The following RORB variants were observed in gnomAD, a reference collection of about 807,000 sequenced individuals.
The protein encoded by RORB is RAR related orphan receptor B.
RORB carries 6 observed loss-of-function variants against 59.1 expected under a neutral mutation model. The ratio of observed to expected loss-of-function variants is 0.10; its 90% CI spans 0.06 to 0.20. RORB has a LOEUF of 0.20. RORB is among the 10% of genes least tolerant of loss of function. RORB has a pLI of 1.00. For synonymous variants in RORB, 215 were observed against 204.5 expected (o/e 1.05, Z -0.44); for missense variants, 320 against 560.5 (o/e 0.57, Z 4.33).
At chr9:74,588,629 A>T (rs1822842196) in intron 1 of RORB, among the ~76,000 whole-genome samples, 2 of 152,190 alleles carry the variant, frequency 1.3e-5, no homozygotes, top group Admixed American at 1.3e-4. Context: ...CTCTTAATTC[A>T]TCATCCGGTT....
chr9:74,617,687 G>A (rs1823335751), intron 1 of RORB, among the ~76,000 whole-genome samples: 1 of 152,106 alleles, frequency 6.6e-6, no homozygotes. Context: ...ACTGACACCG[G>A]GCCTTTGTGA....
At chr9:74,620,233 CT>C (rs1823390946) in intron 1 of RORB, among the ~76,000 whole-genome samples, 1 of 152,056 alleles carries the variant, frequency 6.6e-6, no homozygotes, top group African/African-American at 2.4e-5. Context: ...TGTTATTGGT[CT>C]ATTCAGGAAT....
chr9:74,572,999 T>C (rs1229168023), intron 1 of RORB, among the ~76,000 whole-genome samples: 1 of 152,176 alleles, frequency 6.6e-6, no homozygotes, highest in Non-Finnish European at 1.5e-5. Flanking sequence ...ACAAAAATCT[T>C]ATCTTCTTTG....
rs377077154 is a variant in RORB at position 74,585,085 on chromosome 9, C to A, written c.8-45197C>A. Among the ~76,000 whole-genome samples the A allele has an allele frequency of 6.6e-5, 10 of 152,292 alleles. No homozygotes were observed. In the East Asian group the frequency reaches 1.9e-3, roughly 29 times the overall value. On this transcript the variant is annotated intron_variant, in intron 1 of 9. Coordinates refer to ENST00000376896, the MANE Select transcript of RORB (RefSeq NM_006914.4). ...TAATGGCAGAGCCACCCAACCTATA[C>A]CCACACTAAGTATTGCCTTCAGACT... is the stretch of plus-strand genomic sequence containing the variant.
chr9:74,681,069 G>T (rs1224558258), intron 9 of RORB, among the ~76,000 whole-genome samples: 1 of 152,152 alleles, frequency 6.6e-6, no homozygotes, highest in Admixed American at 6.5e-5. Context: ...GTGTGAAAAT[G>T]CCTTTTGATA....
intron 7 of RORB, 94 bp from the exon 8 acceptor site, chr9:74,667,697 C>T: frequency 4.0e-6 from 3 of 755,824 alleles, no homozygotes; most frequent in Admixed American, 1.9e-5. Context: ...TAGTATGCAC[C>T]TCCTTGGATA....
At chr9:74,677,293 C>T (rs1014628053) in intron 9 of RORB, among the ~76,000 whole-genome samples, 12 of 152,110 alleles carry the variant, frequency 7.9e-5, no homozygotes, top group African/African-American at 2.7e-4. Context: ...CCTACTATAC[C>T]GTGGCCAGCA....
chr9:74,684,309 G>A (rs577630142), intron 9 of RORB, among the ~76,000 whole-genome samples: 1 of 152,284 alleles, frequency 6.6e-6, no homozygotes, highest in Non-Finnish European at 1.5e-5. Context: ...TTATTGAATA[G>A]GGTAGGGAAC....
At chr9:74,508,201 C>T (rs1220183973) in intron 1 of RORB, among the ~76,000 whole-genome samples, 1 of 151,848 alleles carries the variant, frequency 6.6e-6, no homozygotes, top group African/African-American at 2.4e-5. Flanking sequence ...AGGAAAAGAG[C>T]TTTTGGAGTA....
chr9:74,587,318 T>C (rs1324357693), intron 1 of RORB, among the ~76,000 whole-genome samples: 1 of 152,204 alleles, frequency 6.6e-6, no homozygotes, highest in East Asian at 1.9e-4. Context: ...TGCAAACTTC[T>C]ATCACCTCTA....
intron 1 of RORB, among the ~76,000 whole-genome samples, chr9:74,586,763 A>G (rs1333999193): frequency 1.3e-5 from 2 of 152,098 alleles, no homozygotes; most frequent in Non-Finnish European, 2.9e-5. Context: ...TCTGTATTTG[A>G]ATGTAGAGTA....
At chr9:74,675,964 T>C (rs564487841) in intron 9 of RORB, among the ~76,000 whole-genome samples, 30 of 152,322 alleles carry the variant, frequency 2.0e-4, no homozygotes, top group Non-Finnish European at 3.4e-4. Context: ...TCTAGGGCTT[T>C]CTCTATTAAA....
chr9:74,611,549 T>C (rs774332810), intron 1 of RORB, among the ~76,000 whole-genome samples: 5 of 152,168 alleles, frequency 3.3e-5, no homozygotes, highest in African/African-American at 4.8e-5. Context: ...TTAGGGGAAA[T>C]CATGAGAGTA....
chr9:74,617,749 A>G (rs1222771107), intron 1 of RORB, among the ~76,000 whole-genome samples: 1 of 152,148 alleles, frequency 6.6e-6, no homozygotes, highest in Non-Finnish European at 1.5e-5. Flanking sequence ...TGACGTTCTA[A>G]ATTATCATTT....
intron 1 of RORB, among the ~76,000 whole-genome samples, chr9:74,619,632 A>G (rs1442372019): frequency 2.0e-5 from 3 of 151,972 alleles, no homozygotes; most frequent in African/African-American, 7.2e-5. Context: ...TTGTATTTTT[A>G]GTAGAGACAG....
At chr9:74,625,891 C>G (rs1228616447) in intron 1 of RORB, among the ~76,000 whole-genome samples, 1 of 152,158 alleles carries the variant, frequency 6.6e-6, no homozygotes, top group East Asian at 1.9e-4. Context: ...CCAACCAGAA[C>G]GTACGTGAAA....
At chr9:74,514,907 T>C (rs554077681) in intron 1 of RORB, among the ~76,000 whole-genome samples, 75 of 151,614 alleles carry the variant, frequency 4.9e-4, no homozygotes, top group African/African-American at 8.5e-4. Flanking sequence ...CAACATAATA[T>C]TGAATAATTA....
intron 2 of RORB, among the ~76,000 whole-genome samples, chr9:74,633,059 G>A (rs1823645570): frequency 6.6e-6 from 1 of 152,192 alleles, no homozygotes; most frequent in Non-Finnish European, 1.5e-5. Context: ...ACACCTCCGT[G>A]TCTGAGTTTC....
At chr9:74,567,526 T>C (rs1281325930) in intron 1 of RORB, among the ~76,000 whole-genome samples, 1 of 152,016 alleles carries the variant, frequency 6.6e-6, no homozygotes, top group East Asian at 1.9e-4. Context: ...AAAGTCAAGT[T>C]CCCCAATGTC....
Sources: allele counts gnomAD v4.1 joint callset (sites outside exome capture counted in the v4.1 genomes callset), GRCh38; gene constraint gnomAD v4.1.1; transcripts MANE v1.5; gene names NCBI Gene and HGNC (gene_info 2026-07-23, HGNC 2026-07-21).